Variants in STXBP6 observed in about 807,000 individuals in gnomAD.
STXBP6 encodes the protein syntaxin-binding protein 6.
STXBP6 carries 21 observed loss-of-function variants against 26.9 expected under a neutral mutation model. That is an observed-to-expected ratio of 0.78 (90% CI 0.55 to 1.12). STXBP6 has a LOEUF of 1.12. Ranked by LOEUF, STXBP6 falls within the 50% of genes most tolerant of loss-of-function variation. The pLI is 0.00. For synonymous variants in STXBP6, 97 were observed against 92.6 expected, an observed-to-expected ratio of 1.05 and a Z score of -0.27; for missense variants, 232 against 257.9, an observed-to-expected ratio of 0.90 and a Z score of 0.69.
At chr14:24,957,100 A>C (rs2073368865) in intron 2 of STXBP6, among the ~76,000 whole-genome samples, 2 of 152,092 alleles carry the variant, frequency 1.3e-5, no homozygotes, top group African/African-American at 4.8e-5. Flanking sequence ...TACTTAATTT[A>C]CACACCAAGT....
intron 1 of STXBP6, among the ~76,000 whole-genome samples, chr14:25,033,367 A>C (rs1402588483): frequency 2.0e-5 from 3 of 152,188 alleles, no homozygotes; most frequent in Non-Finnish European, 4.4e-5. Flanking sequence ...AAAAACTTCT[A>C]AACTGGTCCA....
chr14:24,840,056 T>A (rs1283522119), intron 4 of STXBP6, among the ~76,000 whole-genome samples: 2 of 152,212 alleles, frequency 1.3e-5, no homozygotes, highest in African/African-American at 4.8e-5. Context: ...TATATTATGT[T>A]ATTTAATCCT....
At chr14:24,840,612 A>G (rs896779283) in intron 4 of STXBP6, among the ~76,000 whole-genome samples, 5 of 152,176 alleles carry the variant, frequency 3.3e-5, no homozygotes, top group African/African-American at 1.2e-4. Context: ...TTTATCTGAG[A>G]CTGCAGGTAT....
intron 2 of STXBP6, among the ~76,000 whole-genome samples, chr14:24,964,835 T>C (rs1009367924): frequency 6.6e-6 from 1 of 152,174 alleles, no homozygotes; most frequent in African/African-American, 2.4e-5. Context: ...TTTGTTTTAT[T>C]TTGTTTTAAT....
chr14:24,989,738 C>T (rs75079695), intron 1 of STXBP6, among the ~76,000 whole-genome samples: 5,566 of 152,312 alleles, frequency 0.037, 166 homozygotes, highest in Non-Finnish European at 0.055. Flanking sequence ...AGCAAGGAGG[C>T]TGCCCATCAC....
intron 1 of STXBP6, among the ~76,000 whole-genome samples, chr14:25,016,357 C>T (rs552875781): frequency 6.6e-6 from 1 of 152,244 alleles, no homozygotes; most frequent in Admixed American, 6.5e-5. Flanking sequence ...TTAGCTTCCT[C>T]TTTACTTTGT....
intron 2 of STXBP6, among the ~76,000 whole-genome samples, chr14:24,889,968 C>A (rs1201671975): frequency 2.0e-5 from 3 of 152,236 alleles, no homozygotes; most frequent in Admixed American, 2.0e-4. Context: ...CTTCTAACAT[C>A]CAGAGACTGC....
chr14:24,841,704 G>A (rs536505399), intron 4 of STXBP6, among the ~76,000 whole-genome samples: 1 of 152,212 alleles, frequency 6.6e-6, no homozygotes, highest in East Asian at 1.9e-4. Flanking sequence ...TCTATCAAAT[G>A]AGTCTATTTC....
Position 25,049,566 on chromosome 14 carries a change from T to C in STXBP6, c.-33+312A>G, listed in dbSNP as rs2075773617. On this transcript the variant is annotated intron_variant, in intron 1 of 5. Coordinates refer to ENST00000323944, the MANE Select transcript of STXBP6 (RefSeq NM_001394410.1). The surrounding 1 kb of genome is among the most constrained non-coding windows in gnomAD (Gnocchi z 5.6). Reference sequence around the variant, plus strand: ...CGGAAAAAAAGGCTCCATCCTCAACTTTCTCGGAGGAAATCGCTCCGTTCT... The same window carrying C: ...CGGAAAAAAAGGCTCCATCCTCAACCTTCTCGGAGGAAATCGCTCCGTTCT... 3.0e-6 allele frequency: 3 copies of C among 985,222 alleles called. No homozygotes were observed. The highest frequency in any genetic ancestry group is 1.2e-6 in the Non-Finnish European group (1 of 829,992). The allele number at this position is 985,222 out of a possible 1,614,324, so 61.0% of individuals were successfully genotyped here. A position where few individuals can be genotyped will look rare whatever the true frequency, so the allele number is the denominator to read the frequency against.
At chr14:24,860,532 T>C (rs2069498753) in intron 2 of STXBP6, among the ~76,000 whole-genome samples, 1 of 152,180 alleles carries the variant, frequency 6.6e-6, no homozygotes, top group Non-Finnish European at 1.5e-5. Flanking sequence ...ATTCACAGCA[T>C]AATCCCTCAA....
At chr14:25,034,713 C>G (rs745731317) in intron 1 of STXBP6, among the ~76,000 whole-genome samples, 39 of 152,276 alleles carry the variant, frequency 2.6e-4, no homozygotes, top group African/African-American at 9.1e-4. Flanking sequence ...TGAAAGAATC[C>G]ACAAAATGTC....
intron 2 of STXBP6, among the ~76,000 whole-genome samples, chr14:24,896,275 T>C (rs202031357): frequency 1.3e-5 from 2 of 151,294 alleles, no homozygotes; most frequent in Non-Finnish European, 2.9e-5. Flanking sequence ...ACTAATGACA[T>C]GACAGACTCA....
chr14:24,841,552 GGTAGA>G (rs2068784899), intron 4 of STXBP6, among the ~76,000 whole-genome samples: 2 of 152,032 alleles, frequency 1.3e-5, no homozygotes, highest in Non-Finnish European at 2.9e-5. Flanking sequence ...TGAGATGAAT[GGTAGA>G]GCATCTTGTT....
chr14:25,024,966 T>C (rs2075322995), intron 1 of STXBP6, among the ~76,000 whole-genome samples: 1 of 152,178 alleles, frequency 6.6e-6, no homozygotes, highest in African/African-American at 2.4e-5. Context: ...AATACCCACA[T>C]GGAAAGGTGC....
intron 2 of STXBP6, among the ~76,000 whole-genome samples, chr14:24,887,792 T>TG (rs1225378620): frequency 2.6e-5 from 4 of 152,236 alleles, no homozygotes; most frequent in Non-Finnish European, 4.4e-5. Flanking sequence ...AGATGTTGAC[T>TG]GCAGATGCTT....
At chr14:24,839,411 A>T (rs1476464059) in intron 4 of STXBP6, among the ~76,000 whole-genome samples, 1 of 152,216 alleles carries the variant, frequency 6.6e-6, no homozygotes, top group Non-Finnish European at 1.5e-5. Flanking sequence ...CATAAGCAAA[A>T]GAGAATTTGG....
At chr14:25,027,867 T>C (rs1303848886) in intron 1 of STXBP6, among the ~76,000 whole-genome samples, 1 of 152,238 alleles carries the variant, frequency 6.6e-6, no homozygotes, top group East Asian at 1.9e-4. Flanking sequence ...GAAGAAAATG[T>C]GACCAGTCTG....
intron 4 of STXBP6, among the ~76,000 whole-genome samples, chr14:24,838,284 T>C (rs2068681709): frequency 6.6e-6 from 1 of 152,158 alleles, no homozygotes; most frequent in Non-Finnish European, 1.5e-5. Context: ...ATGCTGGGAT[T>C]ATTGGTGTGT....
intron 5 of STXBP6, chr14:24,816,589 A>T (rs956227065): frequency 2.0e-5 from 3 of 151,628 alleles, no homozygotes; most frequent in African/African-American, 7.3e-5. Flanking sequence ...AAATAAACAC[A>T]AGCTGTCCAC....
Sources: allele counts gnomAD v4.1 joint callset (sites outside exome capture counted in the v4.1 genomes callset), GRCh38; gene constraint gnomAD v4.1.1; non-coding constraint Gnocchi (gnomAD v3.1); transcripts MANE v1.5; gene names NCBI Gene and HGNC (gene_info 2026-07-23, HGNC 2026-07-21).